Variants in CSMD1 observed in about 807,000 individuals in gnomAD.
The protein encoded by CSMD1 is CUB and sushi domain-containing protein 1.
Under a neutral mutation model 417.5 loss-of-function variants are expected in CSMD1, and 213 were observed. The ratio of observed to expected loss-of-function variants is 0.51; its 90% CI spans 0.46 to 0.57. CSMD1 has a LOEUF of 0.57. Among genes scored for constraint, CSMD1 ranks in the 20% least tolerant of loss-of-function variants. CSMD1 has a pLI of 0.00. For missense variants in CSMD1, 6,923 were observed against 4,529.7 expected (o/e 1.53, Z -15.17); for synonymous variants, 2,862 against 1,736.8 (o/e 1.65, Z -16.11).
rs35515847 is a variant in CSMD1 at position 2,963,373 on chromosome 8, C to T, written c.9303G>A (p.Pro3101=). ...VCKAVLCPQP[P]PVQNGTVEGS... is the part of the protein sequence containing the mutation. Reference sequence around the variant, plus strand: ...CCTCCACTGTTCCATTCTGCACCGGCGGCGGCTGAGGACACAGCACGGCTA... The same window carrying T: ...CCTCCACTGTTCCATTCTGCACCGGTGGCGGCTGAGGACACAGCACGGCTA... The change falls in exon 60 of 70, where the codon CCG becomes CCA. Residue 3101 remains proline (P), a synonymous_variant. Transcript: ENST00000635120. 19,827 of 1,613,868 alleles carry T rather than the reference C, an allele frequency of 0.012. 164 individuals are homozygous for T. The highest frequency in any genetic ancestry group is 0.029 in the Middle Eastern group (177 of 6,062).
intron 2 of CSMD1, among the ~76,000 whole-genome samples, chr8:4,582,005 T>A (rs1799442192): frequency 6.6e-6 from 1 of 151,910 alleles, no homozygotes; most frequent in Non-Finnish European, 1.5e-5. Flanking sequence ...CTCAGTAGCC[T>A]ACGATGATGA....
At chr8:4,866,062 G>C (rs560868208) in intron 1 of CSMD1, among the ~76,000 whole-genome samples, 1 of 151,986 alleles carries the variant, frequency 6.6e-6, no homozygotes, top group South Asian at 2.1e-4. Context: ...ACACCTTAAT[G>C]GTTCTGTGCC....
At chr8:3,758,235 G>C (rs1797778759) in intron 5 of CSMD1, among the ~76,000 whole-genome samples, 1 of 152,148 alleles carries the variant, frequency 6.6e-6, no homozygotes, top group Non-Finnish European at 1.5e-5. Flanking sequence ...GAGTGCTAGG[G>C]TTACAGGCGT....
intron 8 of CSMD1, among the ~76,000 whole-genome samples, chr8:3,592,099 AATAGATGGATAGATAC>A (rs1208497036): frequency 3.3e-5 from 5 of 152,124 alleles, no homozygotes; most frequent in Admixed American, 6.5e-5. Context: ...GAGACAGATA[AATAGATGGATAGATAC>A]ATAGATGGAT....
intron 2 of CSMD1, among the ~76,000 whole-genome samples, chr8:4,512,009 G>A (rs909145206): frequency 1.5e-4 from 23 of 151,994 alleles, no homozygotes; most frequent in Admixed American, 4.6e-4. Flanking sequence ...GCAGACCATC[G>A]TTTCTCATGG....
chr8:3,949,677 GAGA>G (rs1479520985), intron 5 of CSMD1, among the ~76,000 whole-genome samples: 1 of 152,048 alleles, frequency 6.6e-6, no homozygotes, highest in East Asian at 1.9e-4. Context: ...AAAGGAGGAG[GAGA>G]AGGAGGAATA....
intron 1 of CSMD1, among the ~76,000 whole-genome samples, chr8:4,824,998 T>A (rs548707506): frequency 6.6e-6 from 1 of 152,086 alleles, no homozygotes; most frequent in African/African-American, 2.4e-5. Flanking sequence ...CGAACCTGAA[T>A]GCACTGCCAT....
rs144867804 is a variant in CSMD1 at position 3,465,896 on chromosome 8, A to T, written c.1561+2816T>A. On this transcript the variant is annotated intron_variant, in intron 12 of 69. Transcript: ENST00000635120. ...GGGCACACACTGAAAATTTCTGGGG[A>T]AACTATGAGAAAATGTCGAGAGCTG... Among the ~76,000 whole-genome samples the T allele has an allele frequency of 2.6e-3, 396 of 152,260 alleles. 5 individuals carry two copies. The highest frequency in any genetic ancestry group is 0.024 in the Admixed American group (368 of 15,292).
intron 50 of CSMD1, among the ~76,000 whole-genome samples, chr8:3,038,353 CT>C (rs1810832923): frequency 1.3e-5 from 2 of 152,148 alleles, no homozygotes; most frequent in African/African-American, 4.8e-5. Context: ...AATCCAACCC[CT>C]GGGAAGGATT....
intron 3 of CSMD1, among the ~76,000 whole-genome samples, chr8:4,379,554 G>T (rs990595905): frequency 6.6e-6 from 1 of 152,168 alleles, no homozygotes; most frequent in African/African-American, 2.4e-5. Context: ...TATTATTTTT[G>T]CAATTTTGTG....
intron 5 of CSMD1, among the ~76,000 whole-genome samples, chr8:3,862,186 G>A (rs1305548569): frequency 2.0e-5 from 3 of 152,064 alleles, no homozygotes; most frequent in Non-Finnish European, 2.9e-5. Flanking sequence ...ATCATAGCAG[G>A]TTTTTCTAAC....
intron 1 of CSMD1, among the ~76,000 whole-genome samples, chr8:4,905,565 A>G (rs572078189): frequency 3.3e-5 from 5 of 152,114 alleles, no homozygotes; most frequent in Admixed American, 2.0e-4. Flanking sequence ...CACATCTGTA[A>G]TCCCAGCACT....
chr8:3,643,425 G>A (rs1322011555), intron 7 of CSMD1, among the ~76,000 whole-genome samples: 2 of 151,726 alleles, frequency 1.3e-5, no homozygotes, highest in Admixed American at 6.6e-5. Context: ...CCTCTGGGCC[G>A]GACGCCGTGG....
Position 3,223,857 on chromosome 8 carries a change from T to G in CSMD1, c.4356A>C (p.Gly1452=), listed in dbSNP as rs781216386. ...CACCTGCTGGGCCCGTCAGATTCCCTCCACAAGCAGCTGTCACAGAACAAA... is the reference window on the plus strand; with the variant it reads ...CACCTGCTGGGCCCGTCAGATTCCCGCCACAAGCAGCTGTCACAGAACAAA... The part of the protein sequence containing the change: ...PDPPTCIAAC[G]GNLTGPAGVI... Residue 1452 remains glycine (G), a synonymous_variant, in exon 28 of 70, where the codon GGA becomes GGC. Coordinates refer to ENST00000635120, the MANE Select transcript of CSMD1 (RefSeq NM_033225.6). The G allele has an allele frequency of 4.3e-6, 7 of 1,613,572 alleles. No homozygotes were observed. The highest frequency in any genetic ancestry group is 5.9e-6 in the Non-Finnish European group (7 of 1,179,716).
At chr8:4,738,028 G>A (rs150160159) in intron 1 of CSMD1, among the ~76,000 whole-genome samples, 1 of 152,162 alleles carries the variant, frequency 6.6e-6, no homozygotes, top group Non-Finnish European at 1.5e-5. Flanking sequence ...TGGAGAATGA[G>A]AGAGAATAAG....
chr8:4,707,482 G>C (rs973357715), intron 1 of CSMD1, among the ~76,000 whole-genome samples: 1 of 152,166 alleles, frequency 6.6e-6, no homozygotes, highest in Non-Finnish European at 1.5e-5. Flanking sequence ...AATTTTTAGA[G>C]GATTTAGGAA....
intron 26 of CSMD1, among the ~76,000 whole-genome samples, chr8:3,282,660 C>T (rs562736748): frequency 2.6e-5 from 4 of 152,250 alleles, no homozygotes; most frequent in African/African-American, 9.6e-5. Flanking sequence ...GAAAATTTTA[C>T]CATGTACAAG....
At chr8:4,939,300 T>C (rs1341736538) in intron 1 of CSMD1, among the ~76,000 whole-genome samples, 5 of 152,156 alleles carry the variant, frequency 3.3e-5, no homozygotes, top group African/African-American at 1.2e-4. Context: ...TCCTACTGGG[T>C]ATGCATCCAA....
At chr8:4,705,472 C>T (rs1448065143) in intron 1 of CSMD1, among the ~76,000 whole-genome samples, 1 of 152,192 alleles carries the variant, frequency 6.6e-6, no homozygotes, top group African/African-American at 2.4e-5. Context: ...AGTCTTCCTG[C>T]TGTGTACAAT....
Sources: allele counts gnomAD v4.1 joint callset (sites outside exome capture counted in the v4.1 genomes callset), GRCh38; gene constraint gnomAD v4.1.1; transcripts MANE v1.5; gene names NCBI Gene and HGNC (gene_info 2026-07-23, HGNC 2026-07-21).